The following FLNB variants were observed in gnomAD, a reference collection of about 807,000 sequenced individuals.
The protein encoded by FLNB is filamin B.
Under a neutral mutation model 250.6 loss-of-function variants are expected in FLNB, and 111 were observed. That is an observed-to-expected ratio of 0.44 (90% CI 0.38 to 0.52). The LOEUF is 0.52. Ranked by LOEUF, FLNB falls within the 20% of genes least tolerant of loss-of-function variation. The probability of loss-of-function intolerance (pLI) is 0.00; values close to 1 mark genes in which losing one functional copy is unlikely to be tolerated. For synonymous variants in FLNB, 1,302 were observed against 1,372.1 expected (o/e 0.95, Z 1.13); for missense variants, 2,869 against 3,447.8 (o/e 0.83, Z 4.20).
chr3:58,089,736 C>T (rs778735998), intron 4 of FLNB, among the ~76,000 whole-genome samples: 3 of 152,052 alleles, frequency 2.0e-5, no homozygotes, highest in African/African-American at 4.8e-5. Flanking sequence ...ATTGGATAAG[C>T]GCAATAGCAG....
chr3:58,093,699 A>T (rs183021427), intron 4 of FLNB, among the ~76,000 whole-genome samples: 411 of 152,272 alleles, frequency 2.7e-3, no homozygotes, highest in Admixed American at 3.8e-3. Flanking sequence ...TATTGGTAAG[A>T]GACAACTAGA....
chr3:58,075,951 G>A (rs2097201105), intron 1 of FLNB, among the ~76,000 whole-genome samples: 1 of 152,070 alleles, frequency 6.6e-6, no homozygotes, highest in Admixed American at 6.6e-5. Flanking sequence ...CAGGGAAAGT[G>A]GAAACAAATG....
chr3:58,110,100 A>G lies in FLNB; in HGVS notation c.2414A>G (p.Asp805Gly). 1.2e-6 allele frequency: 2 copies of G among 1,614,178 alleles called. No homozygotes were observed. Among genetic ancestry groups the G allele is most frequent in the Non-Finnish European group, 1.7e-6 (2 of 1,180,010 alleles). The change falls in exon 16 of 46, where the codon GAT becomes GGT. Residue 805 changes from aspartate to glycine, a missense_variant. Asp to Gly is a moderately conservative substitution (Grantham distance 94, BLOSUM62 -1). This residue lies in a region of FLNB where 1,348 missense variants were observed against 1,466.7 expected (regional missense o/e 0.92). Transcript: ENST00000295956. ...TTTGACATTATTCACAATGCCAATG[A>G]TACGTTCACAGTCAAATATGTGCCT... ...VDFDIIHNANDTFTVKYVPPA... is the reference protein window; with the variant it reads ...VDFDIIHNANGTFTVKYVPPA...
rs1209200091 is a variant in FLNB, at chr3:58,078,784, G to T, written c.609G>T (p.Gln203His). ...TGGATAATGCACGAGAAGCCATGCA[G>T]CAGGCAGATGACTGGCTGGGTGTCC... ...KPVDNAREAM[Q>H]QADDWLGVPQ... Residue 203 changes from glutamine (Q) to histidine (H), a missense_variant, in exon 3 of 46, where the codon CAG becomes CAT. Physicochemically the swap from Gln to His is conservative, Grantham distance 24. Coordinates refer to ENST00000295956, the MANE Select transcript of FLNB (RefSeq NM_001457.4). 1 of 1,613,568 alleles carries T rather than the reference G, an allele frequency of 6.2e-7. No individual in the cohort carries two copies. Among genetic ancestry groups the T allele is most frequent in the Admixed American group, 1.7e-5 (1 of 59,992 alleles).
intron 1 of FLNB, among the ~76,000 whole-genome samples, chr3:58,035,556 G>C (rs2097136907): frequency 6.6e-6 from 1 of 152,126 alleles, no homozygotes; most frequent in African/African-American, 2.4e-5. Flanking sequence ...TGAGAAATAA[G>C]GGGTTTGATT....
chr3:58,115,741 G>T (rs1162034064), intron 18 of FLNB, among the ~76,000 whole-genome samples: 1 of 151,866 alleles, frequency 6.6e-6, no homozygotes, highest in East Asian at 2.0e-4. Context: ...CTTGGTGGCG[G>T]TCGTTGCCAC....
At position 58,112,317 on chromosome 3, in the gene FLNB, A is replaced by G. The variant is rs771989645; in HGVS notation, c.2744A>G (p.Gln915Arg). Reference protein sequence around the residue: ...SHTVKYTPTQQGNMQVLVTYG... With the variant: ...SHTVKYTPTQRGNMQVLVTYG... ...ACGGTTAAATATACACCCACCCAAC[A>G]GGTAGGGTCCTTCTCCCCTCTGCTC... is the stretch of plus-strand genomic sequence containing the variant. The change falls in exon 18 of 46, where the codon CAG becomes CGG. Residue 915 changes from glutamine (Q) to arginine (R), a missense_variant and splice_region_variant. Transcript: ENST00000295956. 8.1e-6 allele frequency: 13 copies of G among 1,612,924 alleles called. No homozygotes were observed. Among genetic ancestry groups the G allele is most frequent in the Admixed American group, 5.0e-5 (3 of 60,008 alleles).
At position 58,156,047 on chromosome 3, in the gene FLNB, CCCGCCG is replaced by C. The variant is rs1360847055; in HGVS notation, c.6863_6868del (p.Arg2288_Arg2289del). On this transcript the variant is annotated inframe_deletion, in exon 41 of 46. Coordinates refer to ENST00000295956, the MANE Select transcript of FLNB (RefSeq NM_001457.4). ...CCGGTCATCGCACCCTCCGACGACGCCCGCCGCCTCACTGTTATGAGCCTTCAGGTG... is the reference window on the plus strand; with the variant it reads ...CCGGTCATCGCACCCTCCGACGACGCCCTCACTGTTATGAGCCTTCAGGTG... 3.7e-6 allele frequency: 6 copies of C among 1,613,918 alleles called. No individual in the cohort carries two copies. The highest frequency in any genetic ancestry group is 5.1e-6 in the Non-Finnish European group (6 of 1,179,922).
At chr3:58,029,506 C>CT (rs548364805) in intron 1 of FLNB, among the ~76,000 whole-genome samples, 2,611 of 136,478 alleles carry the variant, frequency 0.019, 71 homozygotes, top group African/African-American at 0.053. Context: ...AATGAGAATT[C>CT]TTTTTTTTTT....
At position 58,143,242 on chromosome 3, in the gene FLNB, A is replaced by T. The variant is rs371585747; in HGVS notation, c.5285-231A>T. On this transcript the variant is annotated intron_variant, in intron 31 of 45. Transcript: ENST00000295956. ...CTGAGCTTGATTTTGCCAGTTGTAG[A>T]AAACTCTTTAAGAGTTGTCTGCTAT... 3.0e-4 allele frequency among the ~76,000 whole-genome samples: 46 copies of T among 152,212 alleles called. No individual in the cohort carries two copies. The South Asian group carries it at 4.1e-3, about 14-fold the overall frequency.
chr3:58,021,601 G>A (rs1467619561), intron 1 of FLNB, among the ~76,000 whole-genome samples: 2 of 152,132 alleles, frequency 1.3e-5, no homozygotes, highest in Non-Finnish European at 2.9e-5. Flanking sequence ...TCCCATCAGG[G>A]AGTCCTTTAC....
At chr3:58,126,380 A>T (rs1295199090) in intron 23 of FLNB, among the ~76,000 whole-genome samples, 1 of 152,116 alleles carries the variant, frequency 6.6e-6, no homozygotes, top group Non-Finnish European at 1.5e-5. Flanking sequence ...ACTCTGTCTC[A>T]GGAAAAAGAA....
At chr3:58,067,450 G>T (rs1450588721) in intron 1 of FLNB, among the ~76,000 whole-genome samples, 1 of 152,018 alleles carries the variant, frequency 6.6e-6, no homozygotes, top group Non-Finnish European at 1.5e-5. Context: ...CGGCCCCCTT[G>T]TCTACTTGTA....
chr3:58,054,748 A>G (rs1374096815), intron 1 of FLNB, among the ~76,000 whole-genome samples: 1 of 152,198 alleles, frequency 6.6e-6, no homozygotes, highest in East Asian at 1.9e-4. Flanking sequence ...GGGTGGGGAC[A>G]TAGCCAAGCC....
intron 1 of FLNB, among the ~76,000 whole-genome samples, chr3:58,011,244 C>T (rs886547773): frequency 5.3e-5 from 8 of 152,232 alleles, no homozygotes; most frequent in Admixed American, 3.9e-4. Flanking sequence ...TCCACTCAGG[C>T]CCTAGCTACT....
At chr3:58,170,515 CTCT>C (rs2097380674) in intron 45 of FLNB, 57 bp from the exon 46 acceptor site, 33 of 1,549,212 alleles carry the variant, frequency 2.1e-5, no homozygotes, top group Non-Finnish European at 2.8e-5. Context: ...CTCATATTTC[CTCT>C]TCTTCCTGTG....
Position 58,169,824 on chromosome 3 carries a change from T to C in FLNB, c.7621+31T>C, listed in dbSNP as rs2097378494. The C allele has an allele frequency of 1.5e-6, 1 of 684,940 alleles. No individual in the cohort carries two copies. The highest frequency in any genetic ancestry group is 2.6e-6 in the Non-Finnish European group (1 of 387,982). 42.4% of individuals were successfully genotyped at this position (684,940 alleles called of 1,614,324 possible). ...TGTCTGGGCCTTTTCAAGGGTGGGG[T>C]GGGGCAGGGGCAGGCTGGGCACCCT... On this transcript the variant is annotated intron_variant, in intron 45 of 45. Transcript: ENST00000295956. The surrounding 1 kb of genome is among the most constrained non-coding windows in gnomAD (Gnocchi z 4.8).
intron 42 of FLNB, among the ~76,000 whole-genome samples, chr3:58,160,633 G>A (rs1253395601): frequency 6.6e-6 from 1 of 152,176 alleles, no homozygotes; most frequent in African/African-American, 2.4e-5. Context: ...ATGAGGAGGA[G>A]ACCTATGATT....
At chr3:58,045,553 C>G (rs568706496) in intron 1 of FLNB, among the ~76,000 whole-genome samples, 4 of 152,074 alleles carry the variant, frequency 2.6e-5, no homozygotes, top group African/African-American at 2.4e-5. Flanking sequence ...CCAGTGTGGC[C>G]CAGGGAAGCC....
Sources: allele counts gnomAD v4.1 joint callset (sites outside exome capture counted in the v4.1 genomes callset), GRCh38; gene constraint gnomAD v4.1.1; regional missense constraint gnomAD v4.1.1; non-coding constraint Gnocchi (gnomAD v3.1); transcripts MANE v1.5; gene names NCBI Gene and HGNC (gene_info 2026-07-23, HGNC 2026-07-21).